The following KCNU1 variants were observed in gnomAD, a reference collection of about 807,000 sequenced individuals.
KCNU1 encodes potassium channel subfamily U member 1.
In KCNU1, 93 loss-of-function variants were observed where a neutral mutation model predicts 126.8. The ratio of observed to expected loss-of-function variants is 0.73; its 90% CI spans 0.62 to 0.87. KCNU1 has a LOEUF of 0.87. Among genes scored for constraint, KCNU1 ranks in the 40% least tolerant of loss-of-function variants. The pLI, the probability that KCNU1 is intolerant of heterozygous loss-of-function variation, is 0.00. For synonymous variants in KCNU1, 523 were observed against 494.2 expected (o/e 1.06, Z -0.77); for missense variants, 1,330 against 1,367.1 (o/e 0.97, Z 0.43).
At chr8:36,786,274 A>G (rs1158812885) in intron 1 of KCNU1, among the ~76,000 whole-genome samples, 1 of 152,220 alleles carries the variant, frequency 6.6e-6, no homozygotes, top group African/African-American at 2.4e-5. Flanking sequence ...TTTCCACAGA[A>G]GGTAGCTCCA....
intron 1 of KCNU1, among the ~76,000 whole-genome samples, chr8:36,786,373 G>T (rs571696697): frequency 6.6e-6 from 1 of 152,096 alleles, no homozygotes; most frequent in Non-Finnish European, 1.5e-5. Flanking sequence ...TTTAGAAACC[G>T]ACATGAGTCA....
intron 22 of KCNU1, among the ~76,000 whole-genome samples, chr8:36,912,662 A>G (rs1807924340): frequency 6.6e-6 from 1 of 152,092 alleles, no homozygotes; most frequent in African/African-American, 2.4e-5. Flanking sequence ...TTGGACAAAG[A>G]AGAAGTATTC....
intron 22 of KCNU1, among the ~76,000 whole-genome samples, chr8:36,914,114 G>T (rs1045654600): frequency 6.6e-6 from 1 of 152,068 alleles, no homozygotes; most frequent in Non-Finnish European, 1.5e-5. Flanking sequence ...GCATTAAGAG[G>T]TAGAACCAGG....
At chr8:36,889,209 A>G in intron 19 of KCNU1, 1 of 534,504 alleles carries the variant, frequency 1.9e-6, no homozygotes, top group Non-Finnish European at 3.8e-6. Context: ...TGAAAACCTA[A>G]ATCCACCTGG....
chr8:36,925,077 T>G (rs1259518110), intron 24 of KCNU1, among the ~76,000 whole-genome samples: 4 of 152,104 alleles, frequency 2.6e-5, no homozygotes, highest in Admixed American at 2.0e-4. Context: ...CCTTGGGTGG[T>G]CTAAAGAGTG....
intron 23 of KCNU1, 57 bp downstream of exon 23, chr8:36,918,954 A>G (rs1808232101): frequency 1.8e-6 from 2 of 1,094,232 alleles, no homozygotes; most frequent in Non-Finnish European, 2.8e-6. Flanking sequence ...TATATAATTT[A>G]TGTTCCAAGG....
At chr8:36,809,266 G>A (rs1336210107) in intron 7 of KCNU1, among the ~76,000 whole-genome samples, 1 of 152,092 alleles carries the variant, frequency 6.6e-6, no homozygotes, top group African/African-American at 2.4e-5. Context: ...TTGCCTGTAG[G>A]AAAGTCTGGT....
chr8:36,911,082 A>G lies in KCNU1; in HGVS notation c.2484A>G (p.Gln828=), dbSNP rs748445052. 2.1e-4 allele frequency: 335 copies of G among 1,613,574 alleles called. No individual in the cohort carries two copies. The highest frequency in any genetic ancestry group is 2.8e-4 in the Non-Finnish European group (326 of 1,179,726). Reference sequence around the variant, plus strand: ...CAACCCTCACCATCGGATCCTTGCAAATTGACTCCTCCTCTGACCCGTCAC... The same window carrying G: ...CAACCCTCACCATCGGATCCTTGCAGATTGACTCCTCCTCTGACCCGTCAC... The part of the protein sequence containing the change: ...IMATLTIGSL[Q]IDSSSDPSPS... The change falls in exon 22 of 27, where the codon CAA becomes CAG. Residue 828 remains glutamine (Q), a synonymous_variant. Coordinates refer to ENST00000399881, the MANE Select transcript of KCNU1 (RefSeq NM_001031836.3).
At chr8:36,905,406 A>C (rs1248997595) in intron 19 of KCNU1, among the ~76,000 whole-genome samples, 1 of 151,852 alleles carries the variant, frequency 6.6e-6, no homozygotes, top group Non-Finnish European at 1.5e-5. Flanking sequence ...AGTATCATAC[A>C]GTATCAAAAT....
intron 10 of KCNU1, among the ~76,000 whole-genome samples, chr8:36,830,219 T>C (rs893623635): frequency 6.6e-6 from 1 of 151,350 alleles, no homozygotes; most frequent in Non-Finnish European, 1.5e-5. Flanking sequence ...TTGTCTGAAA[T>C]AGTATAATTA....
At chr8:36,852,456 T>C (rs1409247748) in intron 18 of KCNU1, among the ~76,000 whole-genome samples, 1 of 152,178 alleles carries the variant, frequency 6.6e-6, no homozygotes, top group Non-Finnish European at 1.5e-5. Context: ...AATTCTTCTT[T>C]AAGCATCTAA....
chr8:36,888,522 C>T (rs753174172), intron 19 of KCNU1: 7 of 531,612 alleles, frequency 1.3e-5, no homozygotes, highest in Admixed American at 1.2e-4. Context: ...GAGATGTTCT[C>T]TGACATTTAC....
At chr8:36,826,367 G>A (rs868691579) in intron 10 of KCNU1, among the ~76,000 whole-genome samples, 4 of 151,722 alleles carry the variant, frequency 2.6e-5, no homozygotes, top group Admixed American at 6.6e-5. Flanking sequence ...CCACCACCAC[G>A]CCTGGCTAAT....
chr8:36,792,405 C>T (rs938042955), intron 2 of KCNU1, among the ~76,000 whole-genome samples: 2 of 152,154 alleles, frequency 1.3e-5, no homozygotes, highest in African/African-American at 4.8e-5. Flanking sequence ...AAAATTAGAT[C>T]TGAATTCAAG....
intron 11 of KCNU1, among the ~76,000 whole-genome samples, chr8:36,833,968 G>A (rs190833582): frequency 1.3e-5 from 2 of 152,246 alleles, no homozygotes; most frequent in Admixed American, 1.3e-4. Context: ...TGGATAGCAA[G>A]GTGTGTTTGA....
At position 36,908,027 on chromosome 8, in the gene KCNU1, G is replaced by T. The variant is rs188521745; in HGVS notation, c.2107-1284G>T. 4.3e-3 allele frequency among the ~76,000 whole-genome samples: 660 copies of T among 152,138 alleles called. 1 individual carries two copies. Among genetic ancestry groups the T allele is most frequent in the Non-Finnish European group, 7.8e-3 (531 of 67,982 alleles). On this transcript the variant is annotated intron_variant, in intron 20 of 26. Transcript: ENST00000399881. ...CATAAAGAAATTGAGAACCAGAGAG[G>T]TTAAGTAATTTGCTCAGTCATATAG...
intron 2 of KCNU1, among the ~76,000 whole-genome samples, chr8:36,796,088 T>C (rs1803087009): frequency 6.6e-6 from 1 of 152,374 alleles, no homozygotes; most frequent in Non-Finnish European, 1.5e-5. Context: ...TTTTTATTGA[T>C]GCATAATTCA....
chr8:36,875,388 C>A (rs1806243834), intron 19 of KCNU1, among the ~76,000 whole-genome samples: 1 of 148,306 alleles, frequency 6.7e-6, no homozygotes, highest in African/African-American at 2.5e-5. Context: ...ATATATATTA[C>A]AGATATATAA....
chr8:36,930,409 A>T (rs1346254401), intron 24 of KCNU1, among the ~76,000 whole-genome samples: 4 of 152,150 alleles, frequency 2.6e-5, no homozygotes. Flanking sequence ...CTAAAGTATA[A>T]TGAGAGCTAT....
Sources: allele counts gnomAD v4.1 joint callset (sites outside exome capture counted in the v4.1 genomes callset), GRCh38; gene constraint gnomAD v4.1.1; transcripts MANE v1.5; gene names NCBI Gene and HGNC (gene_info 2026-07-23, HGNC 2026-07-21).